Variants in BCL11B observed in about 807,000 individuals in gnomAD.
BCL11B encodes B-cell lymphoma/leukemia 11B.
Under a neutral mutation model 49.9 loss-of-function variants are expected in BCL11B, and 8 were observed. The observed-to-expected ratio is 0.16, with a 90% CI of 0.09 to 0.29. The LOEUF (loss-of-function observed/expected upper bound fraction) is 0.29. Ranked by LOEUF, BCL11B falls within the 10% of genes least tolerant of loss-of-function variation. The pLI is 1.00. For synonymous variants in BCL11B, 739 were observed against 637.4 expected (o/e 1.16, Z -2.40); for missense variants, 1,006 against 1,351.0 (o/e 0.74, Z 4.00).
At chr14:99,269,875 TAAAAAAAAAAAAAAAAAAAAAA>T (rs56659919) in intron 1 of BCL11B, among the ~76,000 whole-genome samples, 9 of 41,234 alleles carry the variant, frequency 2.2e-4, no homozygotes, top group Middle Eastern at 0.025. Context: ...CTATTGCAGT[TAAAAAAAAAAAAAAAAAAAAAA>T]AAAAAAAAAA....
intron 3 of BCL11B, among the ~76,000 whole-genome samples, chr14:99,191,948 G>A (rs921246488): frequency 6.6e-6 from 1 of 152,080 alleles, no homozygotes; most frequent in African/African-American, 2.4e-5. Flanking sequence ...GTGGGGTGAC[G>A]GGGGGAGGAG....
Position 99,173,843 on chromosome 14 carries a change from T to C in BCL11B, c.*308A>G. The C allele has an allele frequency of 2.7e-6, 1 of 373,308 alleles. No individual in the cohort carries two copies. Among genetic ancestry groups the C allele is most frequent in the Non-Finnish European group, 4.8e-6 (1 of 207,192 alleles). 23.1% of individuals were successfully genotyped at this position (373,308 alleles called of 1,614,324 possible). On this transcript the variant is annotated 3_prime_UTR_variant, in exon 4 of 4. Coordinates refer to ENST00000357195, the MANE Select transcript of BCL11B (RefSeq NM_138576.4). Reference sequence around the variant, plus strand: ...AAGAAGGGATGGATACCCAACAAAATCTCTTAAAGGAATTCAAACAGAAAA... The same window carrying C: ...AAGAAGGGATGGATACCCAACAAAACCTCTTAAAGGAATTCAAACAGAAAA...
rs1886374881 is a variant in BCL11B, at chr14:99,173,883, G to A, written c.*268C>T. On this transcript the variant is annotated 3_prime_UTR_variant, in exon 4 of 4. Coordinates refer to ENST00000357195, the MANE Select transcript of BCL11B (RefSeq NM_138576.4). ...CAAACAGAAAAAATAATAATAAAAA[G>A]TACCTGCACATGCCAAAAAAATTAC... 2.0e-6 allele frequency: 1 copy of A among 491,396 alleles called. No homozygotes were observed. Among genetic ancestry groups the A allele is most frequent in the East Asian group, 3.5e-5 (1 of 28,474 alleles). 30.4% of individuals were successfully genotyped at this position (491,396 alleles called of 1,614,324 possible). A position where few individuals can be genotyped will look rare whatever the true frequency, so the allele number is the denominator to read the frequency against.
rs1886327643 is a variant in BCL11B, at chr14:99,172,631, T to C, written c.*1520A>G. The C allele has an allele frequency of 4.7e-6, 1 of 214,360 alleles. No individual in the cohort carries two copies. The highest frequency in any genetic ancestry group is 9.4e-6 in the Non-Finnish European group (1 of 106,022). The allele number at this position is 214,360 out of a possible 1,614,324, so 13.3% of individuals were successfully genotyped here. On this transcript the variant is annotated 3_prime_UTR_variant, in exon 4 of 4. Coordinates refer to ENST00000357195, the MANE Select transcript of BCL11B (RefSeq NM_138576.4). ...ATTTTGTTCTTTATAGTGCCAGTAT[T>C]GTGAATGCCACGCTTAGCAATACTG...
chr14:99,199,474 G>C (rs1289685617), intron 3 of BCL11B, among the ~76,000 whole-genome samples: 1 of 152,150 alleles, frequency 6.6e-6, no homozygotes, highest in Non-Finnish European at 1.5e-5. Flanking sequence ...CCAGATATTT[G>C]GTGAGAGGGT....
Position 99,176,072 on chromosome 14 carries a change from G to T in BCL11B, c.764C>A (p.Ala255Asp), listed in dbSNP as rs939112330. Residue 255 changes from alanine (A) to aspartate (D), a missense_variant, in exon 4 of 4, where the codon GCC becomes GAC. By Grantham distance (126) the Ala-to-Asp change is moderately radical. Transcript: ENST00000357195. ...GFRIYLEPGPASSSLTPRLTI... is the reference protein window; with the variant it reads ...GFRIYLEPGPDSSSLTPRLTI... ...GAGCCGCGGCGTGAGCGAGCTGCTG[G>T]CCGGCCCGGGCTCCAGGTAGATGCG... 1.9e-6 allele frequency: 3 copies of T among 1,605,018 alleles called. No homozygotes were observed. Among genetic ancestry groups the T allele is most frequent in the Non-Finnish European group, 2.6e-6 (3 of 1,175,626 alleles).
chr14:99,179,083 A>C (rs3930173), intron 3 of BCL11B, among the ~76,000 whole-genome samples: 56,188 of 152,054 alleles, frequency 0.37, 11,058 homozygotes, highest in East Asian at 0.45. Context: ...TGAAATGGCC[A>C]AGTCACAGGT....
chr14:99,178,095 T>G (rs1026283126), intron 3 of BCL11B, among the ~76,000 whole-genome samples: 2 of 151,820 alleles, frequency 1.3e-5, no homozygotes, highest in African/African-American at 4.8e-5. Flanking sequence ...AGGGGCAGGG[T>G]GGAGACTCCC....
At position 99,213,301 on chromosome 14, in the gene BCL11B, A is replaced by G. The variant is rs966000013; in HGVS notation, c.640+18044T>C. Among the ~76,000 whole-genome samples, 2 of 152,192 alleles carry G rather than the reference A, an allele frequency of 1.3e-5. No homozygotes were observed. Among genetic ancestry groups the G allele is most frequent in the African/African-American group, 2.4e-5 (1 of 41,438 alleles). On this transcript the variant is annotated intron_variant, in intron 3 of 3. Transcript: ENST00000357195. This position sits in a 1 kb window ranked among gnomAD's most constrained non-coding sequence, Gnocchi z 5.1. ...TGAAGGCCCCGAGCTGCTCCCTCTC[A>G]AGTGCAGCAGACACAGCCCCGACTA... is the stretch of plus-strand genomic sequence containing the variant.
chr14:99,216,473 G>A (rs1029502374), intron 3 of BCL11B, among the ~76,000 whole-genome samples: 3 of 152,146 alleles, frequency 2.0e-5, no homozygotes, highest in African/African-American at 7.2e-5. Context: ...TATTCTCTCT[G>A]CAGCCACTCC....
intron 3 of BCL11B, among the ~76,000 whole-genome samples, chr14:99,220,476 G>C (rs1290209709): frequency 6.6e-6 from 1 of 152,174 alleles, no homozygotes; most frequent in East Asian, 1.9e-4. Context: ...TAAGTGAAAT[G>C]AGCTAGGTAC....
chr14:99,250,283 C>T (rs1888970709), intron 2 of BCL11B, among the ~76,000 whole-genome samples: 1 of 151,998 alleles, frequency 6.6e-6, no homozygotes, highest in East Asian at 2.0e-4. Flanking sequence ...GATCCCCCCG[C>T]CTCGGCCTCC....
At chr14:99,197,337 T>TAG (rs1165798588) in intron 3 of BCL11B, among the ~76,000 whole-genome samples, 1 of 152,140 alleles carries the variant, frequency 6.6e-6, no homozygotes, top group East Asian at 1.9e-4. Flanking sequence ...AAGACACCCC[T>TAG]GGCCCCTCTC....
chr14:99,220,401 A>G (rs990691535), intron 3 of BCL11B, among the ~76,000 whole-genome samples: 6 of 152,218 alleles, frequency 3.9e-5, no homozygotes, highest in Non-Finnish European at 8.8e-5. Context: ...AATATTATTC[A>G]GCCTCAAGAA....
intron 3 of BCL11B, among the ~76,000 whole-genome samples, chr14:99,221,083 A>C (rs1887994687): frequency 6.6e-6 from 1 of 152,034 alleles, no homozygotes; most frequent in Admixed American, 6.5e-5. Context: ...TGATCTCTTG[A>C]CCTTGTGATC....
intron 3 of BCL11B, among the ~76,000 whole-genome samples, chr14:99,189,466 G>T (rs1489110586): frequency 2.0e-5 from 3 of 152,228 alleles, no homozygotes; most frequent in Admixed American, 6.5e-5. Flanking sequence ...GGGGATGTGT[G>T]TCCACGTGGG....
At position 99,171,965 on chromosome 14, in the gene BCL11B, A is replaced by T. The variant is rs1174135606; in HGVS notation, c.*2186T>A. 5.0e-6 allele frequency: 1 copy of T among 201,924 alleles called. No homozygotes were observed. The highest frequency in any genetic ancestry group is 7.6e-5 in the East Asian group (1 of 13,084). The allele number at this position is 201,924 out of a possible 1,614,324, so 12.5% of individuals were successfully genotyped here. On this transcript the variant is annotated 3_prime_UTR_variant, in exon 4 of 4. Transcript: ENST00000357195. ...AATTTTAATATATATAATATATACT[A>T]AAACCCCGTCACCAAAAGAAAACAA...
chr14:99,182,286 A>G (rs1030870879), intron 3 of BCL11B, among the ~76,000 whole-genome samples: 4 of 152,170 alleles, frequency 2.6e-5, no homozygotes, highest in African/African-American at 9.7e-5. Flanking sequence ...CACCGTCATG[A>G]TGACCATTTT....
chr14:99,215,211 C>T (rs1887799243), intron 3 of BCL11B, among the ~76,000 whole-genome samples: 1 of 151,290 alleles, frequency 6.6e-6, no homozygotes, highest in Non-Finnish European at 1.5e-5. Flanking sequence ...CAGATAATGT[C>T]ACCCACCATT....
Sources: allele counts gnomAD v4.1 joint callset (sites outside exome capture counted in the v4.1 genomes callset), GRCh38; gene constraint gnomAD v4.1.1; non-coding constraint Gnocchi (gnomAD v3.1); transcripts MANE v1.5; gene names NCBI Gene and HGNC (gene_info 2026-07-23, HGNC 2026-07-21).